The following DOC2B variants were observed in gnomAD, a reference collection of about 807,000 sequenced individuals.
DOC2B encodes the protein double C2 domain beta, also known as double C2-like domain-containing protein beta.
A neutral mutation model predicts 28.9 loss-of-function variants in DOC2B; 21 were observed. The ratio of observed to expected loss-of-function variants is 0.73; its 90% CI spans 0.52 to 1.05. DOC2B has a LOEUF of 1.05. Among genes scored for constraint, DOC2B ranks in the 50% least tolerant of loss-of-function variants. The pLI is 0.00. For missense variants in DOC2B, 384 were observed against 421.1 expected, an observed-to-expected ratio of 0.91 and a Z score of 0.77; for synonymous variants, 194 against 178.1, an observed-to-expected ratio of 1.09 and a Z score of -0.71.
chr17:179,747 G>C (rs529437863), intron 1 of DOC2B, among the ~76,000 whole-genome samples: 5 of 150,260 alleles, frequency 3.3e-5, no homozygotes, highest in Admixed American at 1.3e-4. Context: ...TGGCAGGAAA[G>C]TGGAGGGACA....
intron 1 of DOC2B, among the ~76,000 whole-genome samples, chr17:173,151 C>T (rs1301232692): frequency 6.6e-6 from 1 of 152,244 alleles, no homozygotes; most frequent in Non-Finnish European, 1.5e-5. Context: ...CGTGAGGAGC[C>T]AGCTGGGTCC....
intron 2 of DOC2B, among the ~76,000 whole-genome samples, chr17:170,380 A>C (rs2040298239): frequency 1.3e-5 from 2 of 152,150 alleles, no homozygotes; most frequent in African/African-American, 4.8e-5. Context: ...ATGGCAGTCC[A>C]CATGTGGCCC....
At chr17:180,979 G>T (rs2040434210) in intron 1 of DOC2B, 128 bp downstream of exon 1, 2 of 796,106 alleles carry the variant, frequency 2.5e-6, no homozygotes, top group African/African-American at 3.6e-5. Context: ...GCAAGCCCGC[G>T]GCGGGGTTGT....
At chr17:165,819 T>A (rs1021615784) in intron 2 of DOC2B, among the ~76,000 whole-genome samples, 4 of 152,238 alleles carry the variant, frequency 2.6e-5, no homozygotes, top group Non-Finnish European at 5.9e-5. Flanking sequence ...GTTCTGGGAA[T>A]CTGGTGGCCT....
In DOC2B at chr17:144,117, G is replaced by A. The variant is rs1361024741; in HGVS notation, c.*3324C>T. Reference sequence around the variant, plus strand: ...GGGCGGCGGGCGGGGCGGCGCTGGAGGCAGCGCCTGGTTACTGACACCTGG... The same window carrying A: ...GGGCGGCGGGCGGGGCGGCGCTGGAAGCAGCGCCTGGTTACTGACACCTGG... On this transcript the variant is annotated 3_prime_UTR_variant, in exon 9 of 9. Coordinates refer to ENST00000613549, the MANE Select transcript of DOC2B (RefSeq NM_003585.5). The A allele has an allele frequency of 1.3e-5, 2 of 152,246 alleles. No individual in the cohort carries two copies. Among genetic ancestry groups the A allele is most frequent in the Admixed American group, 6.6e-5 (1 of 15,248 alleles). 9.4% of individuals were successfully genotyped at this position (152,246 alleles called of 1,614,324 possible).
chr17:164,864 G>C (rs1462495045), intron 2 of DOC2B, among the ~76,000 whole-genome samples: 2 of 152,206 alleles, frequency 1.3e-5, no homozygotes, highest in African/African-American at 2.4e-5. Context: ...TTTCCTTCTG[G>C]GATGGTGCAC....
At chr17:149,888 A>G (rs941217704) in intron 6 of DOC2B, among the ~76,000 whole-genome samples, 3,661 of 152,346 alleles carry the variant, frequency 0.024, 147 homozygotes, top group African/African-American at 0.083. Flanking sequence ...TGTAAAACGC[A>G]GTAGCCTTTA....
chr17:149,385 C>T (rs2040048563), intron 6 of DOC2B, among the ~76,000 whole-genome samples, 193 bp from the exon 7 acceptor site: 1 of 152,112 alleles, frequency 6.6e-6, no homozygotes, highest in Non-Finnish European at 1.5e-5. Context: ...CAAGTGGTCC[C>T]TTCATCCACC....
chr17:147,430 G>A lies in DOC2B; in HGVS notation c.*11C>T. ...GCAGGTGGCGGCAGGGGTAGCAGTGGCGGGTGGGCGTCAGTCGCTGAGCAC... is the reference window on the plus strand; with the variant it reads ...GCAGGTGGCGGCAGGGGTAGCAGTGACGGGTGGGCGTCAGTCGCTGAGCAC... On this transcript the variant is annotated 3_prime_UTR_variant, in exon 9 of 9. Transcript: ENST00000613549. 1 of 398,852 alleles carries A rather than the reference G, an allele frequency of 2.5e-6. No homozygotes were observed. The highest frequency in any genetic ancestry group is 4.4e-6 in the Non-Finnish European group (1 of 226,212). 24.7% of individuals were successfully genotyped at this position (398,852 alleles called of 1,614,324 possible).
intron 2 of DOC2B, among the ~76,000 whole-genome samples, chr17:169,488 G>C (rs2040287290): frequency 6.6e-6 from 1 of 151,908 alleles, no homozygotes; most frequent in South Asian, 2.1e-4. Context: ...AAAAATGGTT[G>C]AGCGCTGAGG....
intron 5 of DOC2B, among the ~76,000 whole-genome samples, chr17:158,716 T>C (rs1419419269): frequency 6.6e-6 from 1 of 152,156 alleles, no homozygotes; most frequent in Non-Finnish European, 1.5e-5. Context: ...CTGTGCTGCT[T>C]GTGTCAGTGT....
intron 5 of DOC2B, among the ~76,000 whole-genome samples, 167 bp from the exon 6 acceptor site, chr17:156,544 C>T (rs752470169): frequency 4.6e-5 from 7 of 152,190 alleles, no homozygotes; most frequent in Non-Finnish European, 8.8e-5. Flanking sequence ...TCATCTCTTC[C>T]CTCCCAAGGG....
At chr17:162,048 G>C in intron 4 of DOC2B, 33 bp downstream of exon 4, 3 of 1,453,480 alleles carry the variant, frequency 2.1e-6, no homozygotes, top group Non-Finnish European at 2.8e-6. Context: ...TAGGGGTTGG[G>C]GAGGGAGCAG....
rs2040000576 is a variant in DOC2B at position 143,875 on chromosome 17, A to C, written c.*3566T>G. On this transcript the variant is annotated 3_prime_UTR_variant, in exon 9 of 9. Coordinates refer to ENST00000613549, the MANE Select transcript of DOC2B (RefSeq NM_003585.5). ...GCAAAACGGGGTTAAGCAGTGCACGAGAGTCTGCGTCGACGACAGCCAGAG... is the reference window on the plus strand; with the variant it reads ...GCAAAACGGGGTTAAGCAGTGCACGCGAGTCTGCGTCGACGACAGCCAGAG... 3 of 152,212 alleles carry C rather than the reference A, an allele frequency of 2.0e-5. No individual in the cohort carries two copies. Among genetic ancestry groups the C allele is most frequent in the Middle Eastern group, 3.2e-3 (1 of 316 alleles). 9.4% of individuals were successfully genotyped at this position (152,212 alleles called of 1,614,324 possible).
chr17:159,978 C>CTTT (rs112120859), intron 5 of DOC2B, among the ~76,000 whole-genome samples: 2 of 135,286 alleles, frequency 1.5e-5, no homozygotes, highest in Non-Finnish European at 1.6e-5. Flanking sequence ...GCTGGTGTTG[C>CTTT]TTTTTTTTTT....
In DOC2B at chr17:181,222, G is replaced by A; in HGVS notation, c.258C>T (p.Leu86=). Residue 86 remains leucine (L), a synonymous_variant, in exon 1 of 9, where the codon CTC becomes CTT. Coordinates refer to ENST00000613549, the MANE Select transcript of DOC2B (RefSeq NM_003585.5). The surrounding 1 kb of genome is among the most constrained non-coding windows in gnomAD (Gnocchi z 7.0). The part of the protein sequence containing the change: ...AREDDEDVDQ[L]FGAYGSSPGP... ...CCGGGCTGGAGCCGTAGGCTCCGAA[G>A]AGCTGGTCCACATCCTCGTCGTCCT... 1.6e-6 allele frequency: 2 copies of A among 1,221,562 alleles called. No homozygotes were observed. Among genetic ancestry groups the A allele is most frequent in the Non-Finnish European group, 2.0e-6 (2 of 981,198 alleles). 75.7% of individuals were successfully genotyped at this position (1,221,562 alleles called of 1,614,324 possible).
chr17:148,427 T>C (rs1419358528), intron 7 of DOC2B, among the ~76,000 whole-genome samples, 158 bp from the exon 8 acceptor site: 2 of 152,060 alleles, frequency 1.3e-5, no homozygotes, highest in East Asian at 3.9e-4. Flanking sequence ...CACTTCCCCC[T>C]GAGCTCCACT....
intron 4 of DOC2B, 124 bp downstream of exon 4, chr17:161,957 G>A: frequency 1.4e-6 from 1 of 705,700 alleles, no homozygotes; most frequent in East Asian, 2.7e-5. Flanking sequence ...CCCCAAGCTG[G>A]AGTTGCTGGC....
In DOC2B at chr17:181,334, C is replaced by T. The variant is rs901504290; in HGVS notation, c.146G>A (p.Gly49Glu). The change falls in exon 1 of 9, where the codon GGG becomes GAG. Residue 49 changes from glycine (G) to glutamate (E), a missense_variant. By Grantham distance (98) the Gly-to-Glu change is moderately conservative (BLOSUM62 -2). Coordinates refer to ENST00000613549, the MANE Select transcript of DOC2B (RefSeq NM_003585.5). The surrounding 1 kb of genome is among the most constrained non-coding windows in gnomAD (Gnocchi z 7.0). ...RFPRGLPPDAGPRAAAPPDAP... is the reference protein window; with the variant it reads ...RFPRGLPPDAEPRAAAPPDAP... ...GTCCGGGGGTGCAGCGGCTCGGGGCCCGGCGTCCGGGGGCAGGCCCCGCGG... is the reference window on the plus strand; with the variant it reads ...GTCCGGGGGTGCAGCGGCTCGGGGCTCGGCGTCCGGGGGCAGGCCCCGCGG... The T allele has an allele frequency of 2.6e-6, 3 of 1,137,468 alleles. No homozygotes were observed. In the African/African-American group the frequency reaches 5.0e-5, roughly 19 times the overall value. 70.5% of individuals were successfully genotyped at this position (1,137,468 alleles called of 1,614,324 possible).
Sources: gnomAD v4.1 joint callset for allele counts (sites outside exome capture counted in the v4.1 genomes callset) on GRCh38, gnomAD v4.1.1 for gene constraint, Gnocchi (gnomAD v3.1) non-coding constraint, MANE v1.5 for transcripts, NCBI Gene and HGNC (gene_info 2026-07-23, HGNC 2026-07-21) for gene names.